The following PCCA variants were observed in gnomAD, a reference collection of about 807,000 sequenced individuals.
PCCA encodes propionyl-CoA carboxylase alpha chain, mitochondrial.
A neutral mutation model predicts 101.3 loss-of-function variants in PCCA; 74 were observed. The observed-to-expected ratio is 0.73, with a 90% CI of 0.61 to 0.89. The LOEUF (loss-of-function observed/expected upper bound fraction) is 0.89. PCCA is among the 40% of genes least tolerant of loss of function. The pLI is 0.00. For missense variants in PCCA, 891 were observed against 907.0 expected (o/e 0.98, Z 0.23); for synonymous variants, 294 against 313.6 (o/e 0.94, Z 0.66).
intron 8 of PCCA, among the ~76,000 whole-genome samples, chr13:100,238,722 GTAAAT>G (rs1255844059): frequency 6.6e-6 from 1 of 152,140 alleles, no homozygotes; most frequent in African/African-American, 2.4e-5. Flanking sequence ...ACTTTCTAAA[GTAAAT>G]TAAATTATGT....
At chr13:100,321,421 G>A (rs771236335) in intron 16 of PCCA, among the ~76,000 whole-genome samples, 12 of 151,854 alleles carry the variant, frequency 7.9e-5, no homozygotes, top group South Asian at 2.1e-4. Flanking sequence ...GATTTCTTAG[G>A]TATATTGATG....
At chr13:100,250,703 G>C (rs142450462) in intron 8 of PCCA, among the ~76,000 whole-genome samples, 1 of 152,104 alleles carries the variant, frequency 6.6e-6, no homozygotes, top group Non-Finnish European at 1.5e-5. Flanking sequence ...TCTAGACATT[G>C]TAAATGTTAC....
intron 8 of PCCA, among the ~76,000 whole-genome samples, chr13:100,244,760 T>A (rs998839829): frequency 2.0e-5 from 3 of 152,164 alleles, no homozygotes; most frequent in African/African-American, 7.2e-5. Flanking sequence ...GCAAAATCAG[T>A]TTTTCCTTTC....
At chr13:100,422,116 T>TTCTTTCTTTCTTTCTC (rs2078850894) in intron 19 of PCCA, among the ~76,000 whole-genome samples, 1 of 144,132 alleles carries the variant, frequency 6.9e-6, no homozygotes, top group African/African-American at 2.7e-5. Flanking sequence ...CTTTCTTTCT[T>TTCTTTCTTTCTTTCTC]TCTTTTCTTT....
intron 6 of PCCA, among the ~76,000 whole-genome samples, chr13:100,193,006 A>G (rs1282746395): frequency 6.6e-6 from 1 of 152,154 alleles, no homozygotes; most frequent in African/African-American, 2.4e-5. Flanking sequence ...CCTGCTTCCG[A>G]GAGTGAAAAG....
chr13:100,208,553 C>G (rs2059015030), intron 6 of PCCA, among the ~76,000 whole-genome samples: 1 of 152,156 alleles, frequency 6.6e-6, no homozygotes, highest in Non-Finnish European at 1.5e-5. Flanking sequence ...AGCAAATACC[C>G]CCATTACTTT....
chr13:100,501,873 C>CAATAAATAAATAAATAAATAAATA (rs369191551), intron 21 of PCCA, among the ~76,000 whole-genome samples: 115 of 150,286 alleles, frequency 7.7e-4, no homozygotes, highest in African/African-American at 2.6e-3. Flanking sequence ...CACTCCTTCT[C>CAATAAATAAATAAATAAATAAATA]AATAAATAAA....
intron 7 of PCCA, among the ~76,000 whole-genome samples, chr13:100,230,104 T>G (rs1210205161): frequency 1.3e-5 from 2 of 152,228 alleles, no homozygotes; most frequent in East Asian, 3.8e-4. Flanking sequence ...TGCTAAACTC[T>G]GGGGATTTAG....
At chr13:100,416,968 C>T (rs2078415017) in intron 19 of PCCA, among the ~76,000 whole-genome samples, 1 of 151,626 alleles carries the variant, frequency 6.6e-6, no homozygotes, top group Non-Finnish European at 1.5e-5. Flanking sequence ...TTCAGCCTCC[C>T]GAGTAGCTGG....
chr13:100,425,356 CA>C lies in PCCA; in HGVS notation c.1747-276del, dbSNP rs35930661. Among the ~76,000 whole-genome samples the C allele has an allele frequency of 0.04, 6,098 of 152,142 alleles. 382 individuals are homozygous for C. The highest frequency in any genetic ancestry group is 0.13 in the African/African-American group (5,491 of 41,404). On this transcript the variant is annotated intron_variant, in intron 19 of 23. Coordinates refer to ENST00000376285, the MANE Select transcript of PCCA (RefSeq NM_000282.4). ...CTAATTGCAGTAAATGTAGCATGTC[CA>C]GATAGGTTTCGAGTTAGAAGGCTGT... is the stretch of plus-strand genomic sequence containing the variant.
chr13:100,404,139 A>C (rs1312626512), intron 19 of PCCA, among the ~76,000 whole-genome samples: 1 of 152,218 alleles, frequency 6.6e-6, no homozygotes, highest in Non-Finnish European at 1.5e-5. Context: ...GATGGCCTGA[A>C]GGCAAGAACA....
intron 21 of PCCA, among the ~76,000 whole-genome samples, chr13:100,483,298 A>G (rs1566427699): frequency 2.0e-5 from 3 of 151,232 alleles, no homozygotes; most frequent in Non-Finnish European, 1.5e-5. Context: ...TAGCCCTTTG[A>G]TGTATTCCCA....
chr13:100,298,653 TCCCTCCCTCCC>T (rs2065797768), intron 12 of PCCA, among the ~76,000 whole-genome samples: 2 of 1,432 alleles, frequency 1.4e-3, no homozygotes, highest in African/African-American at 3.1e-3. Context: ...CCTCCCTCCC[TCCCTCCCTCCC>T]TCCCTCCCTC....
At chr13:100,411,246 G>A (rs1489380997) in intron 19 of PCCA, among the ~76,000 whole-genome samples, 2 of 143,466 alleles carry the variant, frequency 1.4e-5, no homozygotes, top group East Asian at 2.0e-4. Flanking sequence ...TTTTTTTTGA[G>A]ACATGGTCTT....
intron 20 of PCCA, among the ~76,000 whole-genome samples, chr13:100,440,930 ACT>A (rs2080324349): frequency 6.6e-6 from 1 of 152,066 alleles, no homozygotes; most frequent in African/African-American, 2.4e-5. Flanking sequence ...AACAGAAATA[ACT>A]CTGTTGACTC....
chr13:100,409,558 A>C lies in PCCA; in HGVS notation c.1747-16075A>C, dbSNP rs574696839. On this transcript the variant is annotated intron_variant, in intron 19 of 23. Transcript: ENST00000376285. The stretch of plus-strand genomic sequence containing the variant: ...GGGCCAAACGGTGCAGATGGTGAGG[A>C]CTTCCTGAGGCTCCACCCCAGTGCA... Among the ~76,000 whole-genome samples the C allele has an allele frequency of 5.3e-5, 8 of 152,146 alleles. No homozygotes were observed. In the South Asian group the frequency reaches 1.7e-3, roughly 32 times the overall value.
chr13:100,094,451 G>A (rs1158358316), intron 1 of PCCA, among the ~76,000 whole-genome samples: 2 of 151,966 alleles, frequency 1.3e-5, no homozygotes, highest in Admixed American at 6.6e-5. Flanking sequence ...TGACATTTTC[G>A]TTAGAAAAAA....
chr13:100,383,381 C>T (rs1474957104), intron 19 of PCCA, among the ~76,000 whole-genome samples: 2 of 151,900 alleles, frequency 1.3e-5, no homozygotes, highest in African/African-American at 2.4e-5. Flanking sequence ...AATCCCAGCA[C>T]ATTGAGAGGC....
At position 100,102,939 on chromosome 13, in the gene PCCA, G is replaced by C. The variant is rs1594090364; in HGVS notation, c.162G>C (p.Val54=). 6.2e-7 allele frequency: 1 copy of C among 1,600,722 alleles called. No homozygotes were observed. The highest frequency in any genetic ancestry group is 8.6e-7 in the Non-Finnish European group (1 of 1,167,932). ...CLMVSRNLGS[V]GYDPNEKTFD... ...TGGTGTCCCGTAATCTTGGTTCAGTGGGATATGATCCTAATGAAAAAGTAA... is the reference window on the plus strand; with the variant it reads ...TGGTGTCCCGTAATCTTGGTTCAGTCGGATATGATCCTAATGAAAAAGTAA... Residue 54 remains valine (V), a synonymous_variant, in exon 2 of 24, where the codon GTG becomes GTC. Coordinates refer to ENST00000376285, the MANE Select transcript of PCCA (RefSeq NM_000282.4).
Sources: allele counts gnomAD v4.1 joint callset (sites outside exome capture counted in the v4.1 genomes callset), GRCh38; gene constraint gnomAD v4.1.1; transcripts MANE v1.5; gene names NCBI Gene and HGNC (gene_info 2026-07-23, HGNC 2026-07-21).